The following DAB1 variants were observed in gnomAD, a reference collection of about 807,000 sequenced individuals.
DAB1 encodes the protein disabled homolog 1.
Under a neutral mutation model 64.6 loss-of-function variants are expected in DAB1, and 15 were observed. The observed-to-expected ratio is 0.23, with a 90% CI of 0.16 to 0.36. DAB1 has a LOEUF of 0.36. Among genes scored for constraint, DAB1 ranks in the 10% least tolerant of loss-of-function variants. DAB1 has a pLI of 1.00. For missense variants in DAB1, 596 were observed against 706.7 expected (o/e 0.84, Z 1.78); for synonymous variants, 235 against 251.9 (o/e 0.93, Z 0.64).
intron 7 of DAB1, among the ~76,000 whole-genome samples, chr1:57,624,592 T>G (rs939151295): frequency 1.6e-4 from 25 of 152,250 alleles, no homozygotes; most frequent in African/African-American, 5.8e-4. Context: ...AGGTTTGAAA[T>G]GTTAATTTTC....
At chr1:57,097,801 A>G (rs2100681070) in intron 4 of DAB1, among the ~76,000 whole-genome samples, 1 of 151,842 alleles carries the variant, frequency 6.6e-6, no homozygotes, top group East Asian at 1.9e-4. Flanking sequence ...TTTTTGAGAC[A>G]GAGTCTCACT....
At chr1:57,202,753 C>CT (rs1665209237) in intron 2 of DAB1, among the ~76,000 whole-genome samples, 1 of 152,186 alleles carries the variant, frequency 6.6e-6, no homozygotes, top group South Asian at 2.1e-4. Context: ...TACCAATTAT[C>CT]TTTTTTCTGT....
intron 2 of DAB1, among the ~76,000 whole-genome samples, chr1:57,244,454 T>C (rs906783465): frequency 6.6e-6 from 1 of 152,052 alleles, no homozygotes; most frequent in Admixed American, 6.6e-5. Context: ...TGACTTAGAG[T>C]ATCACCAAAT....
At chr1:57,228,397 T>C (rs1484458203) in intron 2 of DAB1, among the ~76,000 whole-genome samples, 1 of 151,932 alleles carries the variant, frequency 6.6e-6, no homozygotes, top group East Asian at 1.9e-4. Context: ...AGAAAAAGAA[T>C]GCAAATATAG....
rs925354099 is a variant in DAB1, at chr1:58,171,063, T to C, written n.310-20475A>G. Among the ~76,000 whole-genome samples, 5 of 152,332 alleles carry C rather than the reference T, an allele frequency of 3.3e-5. No homozygotes were observed. In the East Asian group the frequency reaches 5.8e-4, roughly 18 times the overall value. On this transcript the variant is annotated intron_variant and non_coding_transcript_variant, in intron 4 of 20. Transcript: ENST00000485760. The stretch of plus-strand genomic sequence containing the variant: ...CTCGGTTGTAATTGGGAGACTTTGC[T>C]CTTTTCACATGCCTTTCTTGTTATG...
intron 5 of DAB1, among the ~76,000 whole-genome samples, chr1:57,937,103 T>A (rs1180447972): frequency 2.6e-5 from 4 of 152,062 alleles, no homozygotes; most frequent in Admixed American, 2.6e-4. Context: ...CTTGTTTATC[T>A]CTGTATTCCT....
At chr1:58,133,839 C>T (rs1653786068) in intron 5 of DAB1, among the ~76,000 whole-genome samples, 1 of 152,210 alleles carries the variant, frequency 6.6e-6, no homozygotes, top group Non-Finnish European at 1.5e-5. Context: ...TTTTTCTTCA[C>T]AGAGCTTGTA....
At chr1:58,306,935 C>A (rs184112955) in intron 4 of DAB1, among the ~76,000 whole-genome samples, 60 of 152,256 alleles carry the variant, frequency 3.9e-4, no homozygotes, top group Non-Finnish European at 1.9e-4. Context: ...ATGGGAGAAC[C>A]AAACTAAGAT....
chr1:57,674,345 G>A (rs913729044), intron 6 of DAB1, among the ~76,000 whole-genome samples: 28 of 152,244 alleles, frequency 1.8e-4, no homozygotes, highest in African/African-American at 6.5e-4. Flanking sequence ...CACTCAGAGA[G>A]GCCTCGTAAC....
At chr1:57,377,720 T>A (rs943046676) in intron 1 of DAB1, among the ~76,000 whole-genome samples, 1 of 152,144 alleles carries the variant, frequency 6.6e-6, no homozygotes, top group Non-Finnish European at 1.5e-5. Flanking sequence ...AAGACACAGA[T>A]GGCATCCTCC....
intron 6 of DAB1, among the ~76,000 whole-genome samples, chr1:57,807,961 A>C (rs531179678): frequency 4.6e-5 from 7 of 152,202 alleles, no homozygotes; most frequent in Non-Finnish European, 8.8e-5. Flanking sequence ...TATGTAATAC[A>C]TATAACACTC....
intron 9 of DAB1, among the ~76,000 whole-genome samples, chr1:57,055,865 T>G (rs1011805027): frequency 6.6e-6 from 1 of 152,118 alleles, no homozygotes; most frequent in Non-Finnish European, 1.5e-5. Context: ...AGAAACAGTC[T>G]AGATAGAAGT....
chr1:57,516,783 T>C (rs1462131423), intron 7 of DAB1, among the ~76,000 whole-genome samples: 1 of 152,196 alleles, frequency 6.6e-6, no homozygotes, highest in Non-Finnish European at 1.5e-5. Flanking sequence ...GTTCATTGAA[T>C]AGTTTTTACC....
At chr1:57,193,175 C>T (rs965396520) in intron 2 of DAB1, among the ~76,000 whole-genome samples, 1 of 151,996 alleles carries the variant, frequency 6.6e-6, no homozygotes, top group Non-Finnish European at 1.5e-5. Flanking sequence ...TCCTGTCTAA[C>T]TGAAATTCTG....
intron 7 of DAB1, among the ~76,000 whole-genome samples, chr1:57,566,284 A>C (rs1324232970): frequency 6.6e-6 from 1 of 152,360 alleles, no homozygotes; most frequent in Admixed American, 6.5e-5. Context: ...CAGTGTGTAG[A>C]GGGAAATTTA....
intron 7 of DAB1, among the ~76,000 whole-genome samples, chr1:57,523,889 C>G (rs1378281782): frequency 6.6e-6 from 1 of 151,922 alleles, no homozygotes; most frequent in African/African-American, 2.4e-5. Context: ...CATGCCACTG[C>G]ACTCCAGCCT....
chr1:58,229,748 T>C lies in DAB1; in HGVS notation n.310-79160A>G, dbSNP rs144208255. On this transcript the variant is annotated intron_variant and non_coding_transcript_variant, in intron 4 of 20. Coordinates refer to the DAB1 transcript ENST00000485760. The stretch of plus-strand genomic sequence containing the variant: ...GGCCTGGCCTCCAAGCTTTTAATTT[T>C]ACAGATGTGAAAGCTGAGCCTCCTG... Among the ~76,000 whole-genome samples, 9 of 152,326 alleles carry C rather than the reference T, an allele frequency of 5.9e-5. No homozygotes were observed. The East Asian group carries it at 1.7e-3, about 29-fold the overall frequency.
At chr1:57,979,558 T>C (rs942877455) in intron 5 of DAB1, among the ~76,000 whole-genome samples, 3 of 152,184 alleles carry the variant, frequency 2.0e-5, no homozygotes, top group Non-Finnish European at 4.4e-5. Flanking sequence ...GAACTTAAAG[T>C]ATAATTTTAA....
At chr1:57,482,809 C>G (rs1644040343) in intron 7 of DAB1, among the ~76,000 whole-genome samples, 1 of 152,090 alleles carries the variant, frequency 6.6e-6, no homozygotes, top group South Asian at 2.1e-4. Flanking sequence ...TTTATTATCC[C>G]CATTTTATAG....
Sources: allele counts gnomAD v4.1 joint callset (sites outside exome capture counted in the v4.1 genomes callset), GRCh38; gene constraint gnomAD v4.1.1; transcripts MANE v1.5; gene names NCBI Gene and HGNC (gene_info 2026-07-23, HGNC 2026-07-21).